Variants in XKR4 observed in about 807,000 individuals in gnomAD.
The protein encoded by XKR4 is XK-related protein 4.
A neutral mutation model predicts 53.9 loss-of-function variants in XKR4; 12 were observed. The ratio of observed to expected loss-of-function variants is 0.22; its 90% CI spans 0.14 to 0.36. XKR4 has a LOEUF of 0.36. XKR4 is among the 10% of genes least tolerant of loss of function. XKR4 has a pLI of 1.00. For synonymous variants in XKR4, 354 were observed against 362.4 expected, an observed-to-expected ratio of 0.98 and a Z score of 0.26; for missense variants, 799 against 859.5, an observed-to-expected ratio of 0.93 and a Z score of 0.88.
chr8:55,289,685 AAGAAAGAAAG>A lies in XKR4; in HGVS notation c.807-67981_807-67972del, dbSNP rs1432677627. On this transcript the variant is annotated intron_variant, in intron 1 of 2. Coordinates refer to ENST00000327381, the MANE Select transcript of XKR4 (RefSeq NM_052898.2). ...AAAGAAAAGAAAAGAAAGAGAAAGA[AAGAAAGAAAG>A]AGAAAGAAAGAAAGAAAGAGAGAGA... 5.4e-4 allele frequency among the ~76,000 whole-genome samples: 78 copies of A among 144,218 alleles called. 1 individual carries two copies. Among genetic ancestry groups the A allele is most frequent in the African/African-American group, 1.5e-3 (56 of 38,408 alleles). 94.6% of individuals were successfully genotyped at this position (144,218 alleles called of 152,430 possible). A position where few individuals can be genotyped will look rare whatever the true frequency, so the allele number is the denominator to read the frequency against.
At chr8:55,287,173 T>TA (rs59979985) in intron 1 of XKR4, among the ~76,000 whole-genome samples, 53,986 of 150,320 alleles carry the variant, frequency 0.36, 11,905 homozygotes, top group Non-Finnish European at 0.49. Flanking sequence ...AAATTTAAAT[T>TA]AAAAAAAATA....
At chr8:55,200,655 T>C (rs978819230) in intron 1 of XKR4, among the ~76,000 whole-genome samples, 2 of 152,220 alleles carry the variant, frequency 1.3e-5, no homozygotes, top group Non-Finnish European at 2.9e-5. Context: ...TGCAATAATA[T>C]GTTGACACAG....
chr8:55,497,373 G>T (rs189565660), intron 2 of XKR4, among the ~76,000 whole-genome samples: 1 of 152,312 alleles, frequency 6.6e-6, no homozygotes, highest in Admixed American at 6.5e-5. Flanking sequence ...CATCATAACA[G>T]GCAGCTTATT....
At chr8:55,242,170 T>C (rs1818219281) in intron 1 of XKR4, among the ~76,000 whole-genome samples, 1 of 152,218 alleles carries the variant, frequency 6.6e-6, no homozygotes, top group Non-Finnish European at 1.5e-5. Context: ...CACATCTGAA[T>C]CTTTTTTAGT....
At chr8:55,189,910 C>T (rs1489350174) in intron 1 of XKR4, among the ~76,000 whole-genome samples, 1 of 152,202 alleles carries the variant, frequency 6.6e-6, no homozygotes, top group African/African-American at 2.4e-5. Context: ...ACTTCTGTCA[C>T]ATTTCAACTA....
intron 2 of XKR4, among the ~76,000 whole-genome samples, chr8:55,403,485 C>T (rs1016468081): frequency 6.6e-6 from 1 of 152,216 alleles, no homozygotes; most frequent in Non-Finnish European, 1.5e-5. Context: ...AATAGACTTA[C>T]CTTTAGAAAA....
intron 2 of XKR4, among the ~76,000 whole-genome samples, chr8:55,419,953 A>G (rs2129392272): frequency 6.6e-6 from 1 of 152,370 alleles, no homozygotes; most frequent in East Asian, 1.9e-4. Flanking sequence ...CAATGATAAA[A>G]GGACTTTGAC....
At chr8:55,418,933 T>C (rs1479680734) in intron 2 of XKR4, among the ~76,000 whole-genome samples, 4 of 152,062 alleles carry the variant, frequency 2.6e-5, no homozygotes, top group South Asian at 2.1e-4. Flanking sequence ...CATTTTCCCA[T>C]ACTTTTGTTC....
chr8:55,357,786 G>A lies in XKR4; in HGVS notation c.915G>A (p.Leu305=), dbSNP rs777017823. 1 of 1,614,170 alleles carries A rather than the reference G, an allele frequency of 6.2e-7. No homozygotes were observed. Among genetic ancestry groups the A allele is most frequent in the African/African-American group, 1.3e-5 (1 of 75,040 alleles). The change falls in exon 2 of 3, where the codon CTG becomes CTA. Residue 305 remains leucine (L), a synonymous_variant. Coordinates refer to ENST00000327381, the MANE Select transcript of XKR4 (RefSeq NM_052898.2). ...ATGAGTATGCGGATGTGAGTATGCTGCATTTGCTAGCCACCTTTCTGGAAA... is the reference window on the plus strand; with the variant it reads ...ATGAGTATGCGGATGTGAGTATGCTACATTTGCTAGCCACCTTTCTGGAAA... The part of the protein sequence containing the change: ...MVYEYADVSM[L]HLLATFLESA...
intron 1 of XKR4, among the ~76,000 whole-genome samples, chr8:55,206,973 A>C (rs1817659566): frequency 6.6e-6 from 1 of 152,374 alleles, no homozygotes; most frequent in Admixed American, 6.5e-5. Flanking sequence ...CCCGCGGCAT[A>C]GTCTGCTTAA....
At chr8:55,418,170 T>G (rs893710813) in intron 2 of XKR4, among the ~76,000 whole-genome samples, 1 of 152,118 alleles carries the variant, frequency 6.6e-6, no homozygotes, top group South Asian at 2.1e-4. Context: ...AGACTTCCTA[T>G]CTACACCTCG....
At position 55,532,796 on chromosome 8, in the gene XKR4, C is replaced by CAAAAAA. The variant is rs11313216; in HGVS notation, c.*8588_*8593dup. Reference sequence around the variant, plus strand: ...TGGGTGACAGAGCAAGACTCCGTCTCAAAAAAAAAAAAAAAAAAAAAAAAG... The same window carrying CAAAAAA: ...TGGGTGACAGAGCAAGACTCCGTCTCAAAAAAAAAAAAAAAAAAAAAAAAAAAAAAG... On this transcript the variant is annotated 3_prime_UTR_variant, in exon 3 of 3. Transcript: ENST00000327381. The CAAAAAA allele has an allele frequency of 2.8e-5, 2 of 70,948 alleles. No homozygotes were observed. The highest frequency in any genetic ancestry group is 9.8e-3 in the Middle Eastern group (1 of 102). The allele number at this position is 70,948 out of a possible 1,614,324, so 4.4% of individuals were successfully genotyped here.
At chr8:55,399,584 G>A (rs1804569498) in intron 2 of XKR4, among the ~76,000 whole-genome samples, 2 of 152,254 alleles carry the variant, frequency 1.3e-5, no homozygotes, top group East Asian at 3.9e-4. Context: ...TAGAAACCCT[G>A]GGTTCTTAGA....
rs746994796 is a variant in XKR4, at chr8:55,155,331, G to A, written c.806+52037G>A. The stretch of plus-strand genomic sequence containing the variant: ...TCTTCAATGTGAGCAGACAGCTAAC[G>A]ATGACCAGAAGGTAGAACATCCTCG... On this transcript the variant is annotated intron_variant, in intron 1 of 2. Transcript: ENST00000327381. 2.6e-5 allele frequency among the ~76,000 whole-genome samples: 4 copies of A among 152,130 alleles called. No individual in the cohort carries two copies. The East Asian group carries it at 7.7e-4, about 29-fold the overall frequency.
At chr8:55,396,390 T>TTTG (rs60428505) in intron 2 of XKR4, among the ~76,000 whole-genome samples, 1 of 99,958 alleles carries the variant, frequency 1.0e-5, no homozygotes, top group Non-Finnish European at 1.9e-5. Flanking sequence ...TGTGTTTTTT[T>TTTG]TTTGTTTGGT....
At chr8:55,109,457 C>T (rs1201768217) in intron 1 of XKR4, among the ~76,000 whole-genome samples, 3 of 152,180 alleles carry the variant, frequency 2.0e-5, no homozygotes, top group African/African-American at 2.4e-5. Flanking sequence ...TGGAGCATCA[C>T]AAATCCATAT....
At chr8:55,361,280 G>T (rs76750198) in intron 2 of XKR4, among the ~76,000 whole-genome samples, 1 of 152,084 alleles carries the variant, frequency 6.6e-6, no homozygotes, top group Non-Finnish European at 1.5e-5. Flanking sequence ...GGAGAGGGAC[G>T]TTGAGAGGGG....
chr8:55,121,123 G>A (rs1458713344), intron 1 of XKR4, among the ~76,000 whole-genome samples: 1 of 152,146 alleles, frequency 6.6e-6, no homozygotes, highest in Non-Finnish European at 1.5e-5. Context: ...CCTATTGAAG[G>A]ACATCTTGGT....
chr8:55,355,016 G>C (rs558992083), intron 1 of XKR4, among the ~76,000 whole-genome samples: 2 of 151,358 alleles, frequency 1.3e-5, no homozygotes, highest in African/African-American at 4.9e-5. Context: ...TGATTCTCCC[G>C]TCTCAGCCTC....
Sources: allele counts gnomAD v4.1 joint callset (sites outside exome capture counted in the v4.1 genomes callset), GRCh38; gene constraint gnomAD v4.1.1; transcripts MANE v1.5; gene names NCBI Gene and HGNC (gene_info 2026-07-23, HGNC 2026-07-21).